The following PPM1L variants were observed in gnomAD, a reference collection of about 807,000 sequenced individuals.
The protein encoded by PPM1L is protein phosphatase 1L.
In PPM1L, 13 loss-of-function variants were observed where a neutral mutation model predicts 31.4. The ratio of observed to expected loss-of-function variants is 0.41; its 90% CI spans 0.27 to 0.66. The LOEUF (loss-of-function observed/expected upper bound fraction) is 0.66. PPM1L is among the 30% of genes least tolerant of loss of function. The probability of loss-of-function intolerance (pLI) is 0.29; values close to 1 mark genes in which losing one functional copy is unlikely to be tolerated. For synonymous variants in PPM1L, 184 were observed against 175.4 expected, an observed-to-expected ratio of 1.05 and a Z score of -0.39; for missense variants, 326 against 453.7, an observed-to-expected ratio of 0.72 and a Z score of 2.56.
intron 1 of PPM1L, 134 bp from the exon 2 acceptor site, chr3:160,961,602 T>C (rs2108107914): frequency 1.7e-6 from 1 of 605,798 alleles, no homozygotes; most frequent in Non-Finnish European, 2.6e-6. Context: ...AAAATGACGA[T>C]GACAAGGACA....
At chr3:160,766,982 A>AC (rs1329238994) in intron 1 of PPM1L, among the ~76,000 whole-genome samples, 1 of 152,166 alleles carries the variant, frequency 6.6e-6, no homozygotes, top group African/African-American at 2.4e-5. Flanking sequence ...TGCAAGATGT[A>AC]CACCGTACAG....
At chr3:160,971,610 C>A (rs564805097) in intron 2 of PPM1L, among the ~76,000 whole-genome samples, 1 of 152,178 alleles carries the variant, frequency 6.6e-6, no homozygotes, top group Non-Finnish European at 1.5e-5. Context: ...ACCCGTAAAT[C>A]TTGTGAACTG....
intron 1 of PPM1L, among the ~76,000 whole-genome samples, chr3:160,794,985 G>C (rs921286923): frequency 6.6e-6 from 1 of 152,214 alleles, no homozygotes; most frequent in Middle Eastern, 3.4e-3. Context: ...GATAAACCTA[G>C]TATGGCATGA....
chr3:161,011,107 A>G (rs1717879748), intron 2 of PPM1L, among the ~76,000 whole-genome samples: 1 of 152,180 alleles, frequency 6.6e-6, no homozygotes, highest in African/African-American at 2.4e-5. Context: ...TATGTCCTGA[A>G]TGGTATTGCC....
At chr3:160,970,787 A>ATTTTTTTTTTTTTTTTTTTTTTTTT (rs71628437) in intron 2 of PPM1L, among the ~76,000 whole-genome samples, 2 of 97,196 alleles carry the variant, frequency 2.1e-5, no homozygotes, top group African/African-American at 8.9e-5. Flanking sequence ...TTCAGTTATA[A>ATTTTTTTTTTTTTTTTTTTTTTTTT]TTTTTTTTTT....
chr3:160,864,860 C>T (rs138098390), intron 1 of PPM1L, among the ~76,000 whole-genome samples: 170 of 152,130 alleles, frequency 1.1e-3, no homozygotes, highest in African/African-American at 3.9e-3. Flanking sequence ...GAAGTGTTAG[C>T]CAAGATTTTC....
At chr3:160,763,387 G>A (rs1328571160) in intron 1 of PPM1L, among the ~76,000 whole-genome samples, 2 of 152,128 alleles carry the variant, frequency 1.3e-5, no homozygotes, top group African/African-American at 2.4e-5. Flanking sequence ...GCAGGTAAAT[G>A]GGAAGAGATT....
At chr3:160,875,522 T>A (rs982156153) in intron 1 of PPM1L, among the ~76,000 whole-genome samples, 1 of 152,178 alleles carries the variant, frequency 6.6e-6, no homozygotes, top group Non-Finnish European at 1.5e-5. Flanking sequence ...AGGATGAAAA[T>A]TCTACTTTTC....
chr3:160,913,421 C>G (rs1159691860), intron 1 of PPM1L, among the ~76,000 whole-genome samples: 1 of 152,060 alleles, frequency 6.6e-6, no homozygotes, highest in Non-Finnish European at 1.5e-5. Context: ...CATAATTTAT[C>G]CACAGTAAAA....
chr3:160,888,444 A>T (rs1273802739), intron 1 of PPM1L, among the ~76,000 whole-genome samples: 2 of 152,228 alleles, frequency 1.3e-5, no homozygotes, highest in Non-Finnish European at 2.9e-5. Context: ...AGGGCATTAC[A>T]TAATGGTAAA....
intron 1 of PPM1L, among the ~76,000 whole-genome samples, chr3:160,927,298 G>A (rs1036961096): frequency 1.3e-5 from 2 of 152,182 alleles, no homozygotes; most frequent in Admixed American, 1.3e-4. Flanking sequence ...ATTTCCAGTT[G>A]TGTCTTTGAA....
At chr3:160,822,763 C>G (rs1235418921) in intron 1 of PPM1L, among the ~76,000 whole-genome samples, 1 of 151,980 alleles carries the variant, frequency 6.6e-6, no homozygotes, top group Non-Finnish European at 1.5e-5. Flanking sequence ...AATGGCTGGG[C>G]TGACCACAGG....
chr3:160,996,945 G>A lies in PPM1L; in HGVS notation c.574+35035G>A, dbSNP rs1354798235. ...GTTCTAGGCAAGGCAATAGCAGGAA[G>A]AGCAAAGGAGGATTTCAGTGGTGGG... is the stretch of plus-strand genomic sequence containing the variant. On this transcript the variant is annotated intron_variant, in intron 2 of 3. Coordinates refer to ENST00000498165, the MANE Select transcript of PPM1L (RefSeq NM_139245.4). Among the ~76,000 whole-genome samples the A allele has an allele frequency of 9.9e-5, 15 of 152,138 alleles. No individual in the cohort carries two copies. In the East Asian group the frequency reaches 1.9e-3, roughly 20 times the overall value.
chr3:160,822,509 G>T (rs959158015), intron 1 of PPM1L, among the ~76,000 whole-genome samples: 2 of 151,940 alleles, frequency 1.3e-5, no homozygotes, highest in Non-Finnish European at 2.9e-5. Flanking sequence ...ATGTGTATTT[G>T]TTATTTAATA....
intron 1 of PPM1L, among the ~76,000 whole-genome samples, chr3:160,944,956 C>A (rs1402547370): frequency 9.2e-5 from 3 of 32,536 alleles, no homozygotes; most frequent in Admixed American, 8.5e-4. Context: ...CTATATATAA[C>A]TATATAACAT....
chr3:161,040,591 C>T (rs1718879679), intron 2 of PPM1L, among the ~76,000 whole-genome samples: 1 of 152,152 alleles, frequency 6.6e-6, no homozygotes, highest in Admixed American at 6.5e-5. Context: ...ATGGCCAAAA[C>T]CTTTACTATT....
At chr3:160,977,332 A>T (rs955667486) in intron 2 of PPM1L, among the ~76,000 whole-genome samples, 16 of 152,178 alleles carry the variant, frequency 1.1e-4, no homozygotes, top group African/African-American at 3.4e-4. Flanking sequence ...ACTGTGTAGA[A>T]ATTGCTAGGA....
At chr3:160,816,161 T>G (rs1712987578) in intron 1 of PPM1L, among the ~76,000 whole-genome samples, 1 of 152,136 alleles carries the variant, frequency 6.6e-6, no homozygotes, top group Non-Finnish European at 1.5e-5. Flanking sequence ...ATTAAACTGA[T>G]TCTTCTCTCC....
At chr3:161,044,934 A>C (rs1322611535) in intron 2 of PPM1L, among the ~76,000 whole-genome samples, 29 of 152,216 alleles carry the variant, frequency 1.9e-4, no homozygotes, top group Admixed American at 1.8e-3. Context: ...AAGATCTACC[A>C]AGCAAATGGA....
Sources: gnomAD v4.1 joint callset for allele counts (sites outside exome capture counted in the v4.1 genomes callset) on GRCh38, gnomAD v4.1.1 for gene constraint, MANE v1.5 for transcripts, NCBI Gene and HGNC (gene_info 2026-07-23, HGNC 2026-07-21) for gene names.